The following STARD13 variants were observed in gnomAD, a reference collection of about 807,000 sequenced individuals.
STARD13 encodes stAR-related lipid transfer protein 13.
STARD13 carries 62 observed loss-of-function variants against 106.4 expected under a neutral mutation model. The ratio of observed to expected loss-of-function variants is 0.58; its 90% confidence interval spans 0.48 to 0.72. The LOEUF (loss-of-function observed/expected upper bound fraction) is 0.72. Among genes scored for constraint, STARD13 ranks in the 30% least tolerant of loss-of-function variants. The pLI is 0.00. For synonymous variants in STARD13, 565 were observed against 553.0 expected, an observed-to-expected ratio of 1.02 and a Z score of -0.31; for missense variants, 1,387 against 1,424.0, an observed-to-expected ratio of 0.97 and a Z score of 0.42.
chr13:33,216,771 G>A (rs2138158675), intron 1 of STARD13, among the ~76,000 whole-genome samples: 1 of 152,240 alleles, frequency 6.6e-6, no homozygotes, highest in Middle Eastern at 3.4e-3. Context: ...TATAGGAGAG[G>A]CACCTGACAA....
chr13:33,562,486 T>G, the STARD13 span, among the ~76,000 whole-genome samples: 1 of 146,990 alleles, frequency 6.8e-6, no homozygotes, highest in Non-Finnish European at 1.5e-5. Flanking sequence ...ATAATAAGTC[T>G]GTTTCTCATC....
chr13:33,180,854 A>G (rs1020049581), intron 1 of STARD13, among the ~76,000 whole-genome samples: 1 of 152,236 alleles, frequency 6.6e-6, no homozygotes, highest in Admixed American at 6.5e-5. Flanking sequence ...GCCAAATGGA[A>G]AATTTAGAAA....
chr13:33,674,188 C>T, the STARD13 span, among the ~76,000 whole-genome samples: 1 of 152,130 alleles, frequency 6.6e-6, no homozygotes, highest in Non-Finnish European at 1.5e-5. Flanking sequence ...TATCATATTC[C>T]TCACTGTCTT....
the STARD13 span, among the ~76,000 whole-genome samples, chr13:33,474,441 A>C: frequency 6.6e-6 from 1 of 152,202 alleles, no homozygotes; most frequent in Non-Finnish European, 1.5e-5. Flanking sequence ...CTGAGGTAAA[A>C]GCTAGTGGAT....
At chr13:33,317,216 T>C (rs141324235) in intron 1 of STARD13, among the ~76,000 whole-genome samples, 2 of 152,280 alleles carry the variant, frequency 1.3e-5, no homozygotes, top group African/African-American at 4.8e-5. Context: ...TCCAGACTTG[T>C]ATCCACCTGA....
At chr13:33,481,526 A>C in the STARD13 span, among the ~76,000 whole-genome samples, 15 of 152,222 alleles carry the variant, frequency 9.9e-5, no homozygotes, top group African/African-American at 3.6e-4. Flanking sequence ...ATCAAAGTCC[A>C]GTCTGTGTGA....
intron 1 of STARD13, among the ~76,000 whole-genome samples, chr13:33,249,691 G>A (rs1037172749): frequency 4.6e-5 from 7 of 152,184 alleles, no homozygotes; most frequent in African/African-American, 7.2e-5. Flanking sequence ...AAATCTGCAT[G>A]TTTAATTCCA....
the STARD13 span, among the ~76,000 whole-genome samples, chr13:33,466,350 A>G: frequency 2.0e-5 from 3 of 152,188 alleles, no homozygotes; most frequent in African/African-American, 7.2e-5. Context: ...TACAGACAAA[A>G]CTTTAGAGAC....
At chr13:33,532,502 T>A in the STARD13 span, among the ~76,000 whole-genome samples, 55 of 152,182 alleles carry the variant, frequency 3.6e-4, no homozygotes, top group African/African-American at 1.3e-3. Context: ...TCTTGAATAA[T>A]AATTTTTAGC....
At chr13:33,177,666 CTAAGCAAAAATA>C (rs1157264165) in intron 1 of STARD13, among the ~76,000 whole-genome samples, 1 of 143,412 alleles carries the variant, frequency 7.0e-6, no homozygotes, top group Non-Finnish European at 1.5e-5. Flanking sequence ...TTTTCTGTTA[CTAAGCAAAAATA>C]TAAGCAAAAA....
the STARD13 span, among the ~76,000 whole-genome samples, chr13:33,360,445 C>T: frequency 3.3e-5 from 5 of 151,820 alleles, no homozygotes; most frequent in Non-Finnish European, 7.4e-5. Flanking sequence ...ACCTTGTGAT[C>T]CACACACCTC....
chr13:33,143,137 G>A lies in STARD13; in HGVS notation c.324-764C>T, dbSNP rs143065228. Among the ~76,000 whole-genome samples, 9 of 152,282 alleles carry A rather than the reference G, an allele frequency of 5.9e-5. No homozygotes were observed. The East Asian group carries it at 1.4e-3, about 23-fold the overall frequency. On this transcript the variant is annotated intron_variant, in intron 3 of 13. Coordinates refer to ENST00000336934, the MANE Select transcript of STARD13 (RefSeq NM_178006.4). ...CTTGAACTTTCCAGCCTCCAGAACCGTGAGAAAATAAATTTCTGTTGTTTA... is the reference window on the plus strand; with the variant it reads ...CTTGAACTTTCCAGCCTCCAGAACCATGAGAAAATAAATTTCTGTTGTTTA...
intron 1 of STARD13, among the ~76,000 whole-genome samples, chr13:33,271,829 T>A (rs1382481320): frequency 6.6e-6 from 1 of 150,912 alleles, no homozygotes; most frequent in African/African-American, 2.4e-5. Context: ...GCATAAAACA[T>A]ACAAATAAAA....
the STARD13 span, among the ~76,000 whole-genome samples, chr13:33,518,036 C>G: frequency 6.6e-6 from 1 of 151,908 alleles, no homozygotes; most frequent in Non-Finnish European, 1.5e-5. Context: ...ACAACAACAA[C>G]AATCTTGAAG....
the STARD13 span, among the ~76,000 whole-genome samples, chr13:33,372,268 C>G: frequency 6.6e-6 from 1 of 152,150 alleles, no homozygotes; most frequent in Non-Finnish European, 1.5e-5. Flanking sequence ...AAGTATGACC[C>G]TGGCTAATGT....
At chr13:33,297,878 C>T (rs1199802218) in intron 1 of STARD13, among the ~76,000 whole-genome samples, 5 of 152,100 alleles carry the variant, frequency 3.3e-5, no homozygotes, top group African/African-American at 7.2e-5. Flanking sequence ...ATGACAGATA[C>T]GGTCTTACAT....
the STARD13 span, among the ~76,000 whole-genome samples, chr13:33,382,411 C>T: frequency 1.3e-5 from 2 of 152,130 alleles, no homozygotes; most frequent in Non-Finnish European, 2.9e-5. Context: ...TCGCTGATAT[C>T]AACTCTCGGG....
chr13:33,552,479 G>A, the STARD13 span, among the ~76,000 whole-genome samples: 1 of 152,124 alleles, frequency 6.6e-6, no homozygotes. Flanking sequence ...ACCAACAGAA[G>A]GTAAAATCCT....
chr13:33,112,696 G>T, intron 9 of STARD13, 25 bp downstream of exon 9: 1 of 1,544,952 alleles, frequency 6.5e-7, no homozygotes, highest in Non-Finnish European at 8.7e-7. Context: ...TGGGATTACT[G>T]TTGTTACTGA....
Sources: gnomAD v4.1 joint callset for allele counts (sites outside exome capture counted in the v4.1 genomes callset) on GRCh38, gnomAD v4.1.1 for gene constraint, MANE v1.5 for transcripts, NCBI Gene and HGNC (gene_info 2026-07-23, HGNC 2026-07-21) for gene names.